Variants in SEPTIN7 observed in about 807,000 individuals in gnomAD.
SEPTIN7 encodes septin 7, also known as septin-7.
In SEPTIN7, 10 loss-of-function variants were observed where a neutral mutation model predicts 63.3. The observed-to-expected ratio is 0.16, with a 90% CI of 0.10 to 0.27. The LOEUF (loss-of-function observed/expected upper bound fraction) is 0.27. Ranked by LOEUF, SEPTIN7 falls within the 10% of genes least tolerant of loss-of-function variation. SEPTIN7 has a pLI of 1.00. For missense variants in SEPTIN7, 310 were observed against 521.0 expected (o/e 0.59, Z 3.94); for synonymous variants, 131 against 165.3 (o/e 0.79, Z 1.59).
At chr7:35,867,105 G>A (rs904628631) in intron 4 of SEPTIN7, among the ~76,000 whole-genome samples, 2 of 152,032 alleles carry the variant, frequency 1.3e-5, no homozygotes, top group South Asian at 2.1e-4. Flanking sequence ...AGTTCTTTCA[G>A]AATGTTTCAA....
intron 1 of SEPTIN7, among the ~76,000 whole-genome samples, chr7:35,821,659 G>T (rs1241606348): frequency 6.6e-6 from 1 of 152,184 alleles, no homozygotes; most frequent in African/African-American, 2.4e-5. Flanking sequence ...TCAGTTTTTG[G>T]TCCACATGGT....
chr7:35,813,581 A>C (rs906101495), intron 1 of SEPTIN7, among the ~76,000 whole-genome samples: 1 of 152,054 alleles, frequency 6.6e-6, no homozygotes, highest in Non-Finnish European at 1.5e-5. Flanking sequence ...TGCCATGTTG[A>C]CCAAGCTGGT....
chr7:35,901,837 T>C (rs980622384), intron 12 of SEPTIN7: 3 of 152,264 alleles, frequency 2.0e-5, no homozygotes, highest in Admixed American at 6.5e-5. Flanking sequence ...CATTTTCTTA[T>C]GTTCCTACTT....
chr7:35,864,899 T>C (rs544774025), intron 4 of SEPTIN7, among the ~76,000 whole-genome samples: 1 of 152,212 alleles, frequency 6.6e-6, no homozygotes, highest in South Asian at 2.1e-4. Context: ...GGAGGGACAG[T>C]CTGTATATTC....
intron 1 of SEPTIN7, among the ~76,000 whole-genome samples, chr7:35,818,534 A>C (rs924704824): frequency 2.0e-5 from 3 of 152,088 alleles, no homozygotes; most frequent in African/African-American, 7.2e-5. Context: ...AGGATTGTAC[A>C]ACCTTTAAAC....
intron 3 of SEPTIN7, among the ~76,000 whole-genome samples, chr7:35,860,912 A>G (rs1304895013): frequency 6.6e-6 from 1 of 152,174 alleles, no homozygotes. Context: ...TCCTTCATGT[A>G]ATCTCTGTTC....
At chr7:35,912,751 T>G in the SEPTIN7 span, among the ~76,000 whole-genome samples, 1 of 152,244 alleles carries the variant, frequency 6.6e-6, no homozygotes, top group Non-Finnish European at 1.5e-5. Flanking sequence ...TTGTAAGATC[T>G]GAAGGAAATG....
chr7:35,911,958 A>G (rs1414544065), downstream of SEPTIN7, among the ~76,000 whole-genome samples: 1 of 152,174 alleles, frequency 6.6e-6, no homozygotes, highest in Middle Eastern at 3.2e-3. Context: ...GGATACAAAC[A>G]CTTGGAAGCT....
intron 11 of SEPTIN7, among the ~76,000 whole-genome samples, chr7:35,897,009 A>T (rs984526540): frequency 5.9e-5 from 9 of 152,272 alleles, no homozygotes; most frequent in Non-Finnish European, 1.2e-4. Flanking sequence ...AATTGCTGTG[A>T]TGGTCAGAAA....
intron 8 of SEPTIN7, among the ~76,000 whole-genome samples, chr7:35,883,027 AT>A (rs1162179576): frequency 3.3e-5 from 5 of 152,056 alleles, no homozygotes; most frequent in African/African-American, 1.2e-4. Flanking sequence ...TTTAGTCTAT[AT>A]TTTCAGATAG....
chr7:35,851,854 A>G (rs1429323545), intron 3 of SEPTIN7, among the ~76,000 whole-genome samples: 2 of 152,188 alleles, frequency 1.3e-5, no homozygotes, highest in Non-Finnish European at 2.9e-5. Context: ...GTGAGTAGAA[A>G]TTAATATTAA....
intron 1 of SEPTIN7, among the ~76,000 whole-genome samples, chr7:35,814,839 G>A (rs1456858177): frequency 6.6e-6 from 1 of 152,048 alleles, no homozygotes; most frequent in Non-Finnish European, 1.5e-5. Context: ...GCCGGGCATG[G>A]TAGCAGGCGC....
chr7:35,886,910 A>C (rs1404806278), intron 10 of SEPTIN7, among the ~76,000 whole-genome samples: 1 of 152,228 alleles, frequency 6.6e-6, no homozygotes, highest in Non-Finnish European at 1.5e-5. Context: ...AAATTAAATA[A>C]ATGGCATGTA....
Position 35,904,504 on chromosome 7 carries a change from T to C in SEPTIN7, c.*211T>C, listed in dbSNP as rs1788506057. On this transcript the variant is annotated 3_prime_UTR_variant, in exon 14 of 14. Transcript: ENST00000350320. ...TTCTGTACTTAGAAAGTAAGAGCTC[T>C]AAGTACCTTTCCTACATTTTCTTTT... 2.6e-6 allele frequency: 1 copy of C among 382,944 alleles called. No individual in the cohort carries two copies. Among genetic ancestry groups the C allele is most frequent in the African/African-American group, 2.1e-5 (1 of 48,174 alleles). 23.7% of individuals were successfully genotyped at this position (382,944 alleles called of 1,614,324 possible). A position where few individuals can be genotyped will look rare whatever the true frequency, so the allele number is the denominator to read the frequency against.
intron 1 of SEPTIN7, among the ~76,000 whole-genome samples, chr7:35,802,910 G>A (rs1788089762): frequency 6.6e-6 from 1 of 152,148 alleles, no homozygotes; most frequent in South Asian, 2.1e-4. Context: ...GTTGAGTGAA[G>A]CTATGAAATA....
chr7:35,901,695 G>C (rs1393849059), intron 12 of SEPTIN7: 1 of 152,084 alleles, frequency 6.6e-6, no homozygotes, highest in Non-Finnish European at 1.5e-5. Flanking sequence ...TAAAAAAATA[G>C]AATGTTATCA....
At chr7:35,829,639 G>A (rs1404754373) in intron 1 of SEPTIN7, among the ~76,000 whole-genome samples, 1 of 152,156 alleles carries the variant, frequency 6.6e-6, no homozygotes, top group Non-Finnish European at 1.5e-5. Flanking sequence ...GAAACTACTG[G>A]TGCAACTTGC....
At chr7:35,878,501 TAA>T (rs762269260) in intron 6 of SEPTIN7, among the ~76,000 whole-genome samples, 8 of 152,190 alleles carry the variant, frequency 5.3e-5, no homozygotes, top group Non-Finnish European at 1.0e-4. Flanking sequence ...TGGCCTTTAG[TAA>T]GATTTTTGGT....
chr7:35,835,395 T>C (rs1562534485), intron 3 of SEPTIN7, among the ~76,000 whole-genome samples: 1 of 152,204 alleles, frequency 6.6e-6, no homozygotes, highest in Non-Finnish European at 1.5e-5. Context: ...CATTATCTGC[T>C]AACTTACGAT....
Sources: gnomAD v4.1 joint callset for allele counts (sites outside exome capture counted in the v4.1 genomes callset) on GRCh38, gnomAD v4.1.1 for gene constraint, MANE v1.5 for transcripts, NCBI Gene and HGNC (gene_info 2026-07-23, HGNC 2026-07-21) for gene names.